The following SHANK1 variants were observed in gnomAD, a reference collection of about 807,000 sequenced individuals.
SHANK1 encodes SH3 and multiple ankyrin repeat domains protein 1.
SHANK1 carries 35 observed loss-of-function variants against 165.6 expected under a neutral mutation model. The observed-to-expected ratio is 0.21, with a 90% CI of 0.16 to 0.28. SHANK1 has a LOEUF of 0.28. SHANK1 is among the 10% of genes least tolerant of loss of function. The pLI is 1.00. For missense variants in SHANK1, 2,681 were observed against 3,036.4 expected (o/e 0.88, Z 2.75); for synonymous variants, 1,428 against 1,384.8 (o/e 1.03, Z -0.69).
At position 50,662,549 on chromosome 19, in the gene SHANK1, C is replaced by T. The variant is rs983516459; in HGVS notation, c.5902G>A (p.Ala1968Thr). 3 of 1,560,766 alleles carry T rather than the reference C, an allele frequency of 1.9e-6. No individual in the cohort carries two copies. The highest frequency in any genetic ancestry group is 1.4e-5 in the African/African-American group (1 of 73,616). ...VSPTAAAAPG[A>T]TSPSASSSST... ...GAGGAGGAGGCTGAGGGTGAGGTGG[C>T]CCCTGGGGCCGCAGCGGCTGTAGGG... Residue 1968 changes from alanine (A) to threonine (T), a missense_variant, in exon 24 of 24, where the codon GCC (alanine) becomes ACC (threonine). By Grantham distance (58) the Ala-to-Thr change is moderately conservative (BLOSUM62 0). Transcript: ENST00000293441. This position sits in a 1 kb window ranked among gnomAD's most constrained non-coding sequence, Gnocchi z 7.7.
intron 23 of SHANK1, among the ~76,000 whole-genome samples, chr19:50,665,977 C>T (rs1047049161): frequency 6.0e-5 from 9 of 150,512 alleles, no homozygotes; most frequent in African/African-American, 2.0e-4. Context: ...CGCCATTGCA[C>T]TCCAGCCTGG....
Position 50,697,029 on chromosome 19 carries a change from A to C in SHANK1, c.1964+67T>G. 2 of 1,334,430 alleles carry C rather than the reference A, an allele frequency of 1.5e-6. No homozygotes were observed. The highest frequency in any genetic ancestry group is 2.1e-6 in the Non-Finnish European group (2 of 931,580). 82.7% of individuals were successfully genotyped at this position (1,334,430 alleles called of 1,614,324 possible). ...CAGCTCTGGTCGTGCACACACGTTC[A>C]CACGCCCCCCAGGCACCCCGTCCTT... is the stretch of plus-strand genomic sequence containing the variant. On this transcript the variant is annotated intron_variant, in intron 15 of 23. Transcript: ENST00000293441. The surrounding 1 kb of genome is among the most constrained non-coding windows in gnomAD (Gnocchi z 4.7).
rs1198388175 is a variant in SHANK1 at position 50,712,176 on chromosome 19, A to G, written c.793-62T>C. 24 of 1,435,612 alleles carry G rather than the reference A, an allele frequency of 1.7e-5. 1 individual carries two copies. The East Asian group carries it at 5.5e-4, about 33-fold the overall frequency. The allele number at this position is 1,435,612 out of a possible 1,614,324, so 88.9% of individuals were successfully genotyped here. On this transcript the variant is annotated intron_variant, in intron 6 of 23. Transcript: ENST00000293441. ...ATGACAGTCACACATTAACCAGCTCATTCTGAAGGGCCAGGGGGACTGGAC... is the reference window on the plus strand; with the variant it reads ...ATGACAGTCACACATTAACCAGCTCGTTCTGAAGGGCCAGGGGGACTGGAC...
At chr19:50,705,887 T>C (rs1459884390) in intron 8 of SHANK1, among the ~76,000 whole-genome samples, 2 of 152,092 alleles carry the variant, frequency 1.3e-5, no homozygotes, top group African/African-American at 4.8e-5. Flanking sequence ...CCAGGGGTGG[T>C]GGCTCACTCC....
rs1284475843 is a variant in SHANK1, at chr19:50,661,457, C to T, written c.*508G>A. Among the ~76,000 whole-genome samples, 7 of 135,956 alleles carry T rather than the reference C, an allele frequency of 5.1e-5. No homozygotes were observed. The highest frequency in any genetic ancestry group is 4.7e-4 in the South Asian group (2 of 4,252). 89.2% of individuals were successfully genotyped at this position (135,956 alleles called of 152,430 possible). On this transcript the variant is annotated 3_prime_UTR_variant, in exon 24 of 24. Coordinates refer to ENST00000293441, the MANE Select transcript of SHANK1 (RefSeq NM_016148.5). ...GGGAGAGAGGTGAGCAGGCGTGCAA[C>T]GGAGCGTGCAAGAGGCTGAGGGGGG... is the stretch of plus-strand genomic sequence containing the variant.
In SHANK1 at chr19:50,662,715, C is replaced by T; in HGVS notation, c.5769-33G>A. On this transcript the variant is annotated intron_variant, in intron 23 of 23. Coordinates refer to ENST00000293441, the MANE Select transcript of SHANK1 (RefSeq NM_016148.5). The surrounding 1 kb of genome is among the most constrained non-coding windows in gnomAD (Gnocchi z 7.7). ...GTGACAAGGGGGCAGTGGGGGAGGACAGGGATTTAGGGGGCAAGGGCAGGG... is the reference window on the plus strand; with the variant it reads ...GTGACAAGGGGGCAGTGGGGGAGGATAGGGATTTAGGGGGCAAGGGCAGGG... 2 of 1,496,432 alleles carry T rather than the reference C, an allele frequency of 1.3e-6. No homozygotes were observed. The highest frequency in any genetic ancestry group is 1.8e-6 in the Non-Finnish European group (2 of 1,122,628). The allele number at this position is 1,496,432 out of a possible 1,614,324, so 92.7% of individuals were successfully genotyped here. A position where few individuals can be genotyped will look rare whatever the true frequency, so the allele number is the denominator to read the frequency against.
intron 23 of SHANK1, among the ~76,000 whole-genome samples, chr19:50,663,916 T>C (rs559291486): frequency 1.4e-5 from 2 of 140,534 alleles, no homozygotes; most frequent in Non-Finnish European, 3.0e-5. Flanking sequence ...ACTTCCTTTT[T>C]CTTTTCTTTC....
chr19:50,666,378 G>A lies in SHANK1; in HGVS notation c.5582C>T (p.Ser1861Leu). Residue 1861 changes from serine (S) to leucine (L), a missense_variant, in exon 23 of 24, where the codon TCA becomes TTA. Physicochemically the swap from Ser to Leu is moderately radical, Grantham distance 145 (BLOSUM62 -2). Around this residue, in one of 10 missense-constraint regions of SHANK1, gnomAD observed 1,713 missense variants for 1,630.2 expected, o/e 1.05. Transcript: ENST00000293441. ...LPGPLAQPQASALATVKASII... is the reference protein window; with the variant it reads ...LPGPLAQPQALALATVKASII... Reference sequence around the variant, plus strand: ...GCTGGCTTTTACTGTGGCCAAGGCTGAGGCCTGAGGCTGGGCCAAGGGCCC... The same window carrying A: ...GCTGGCTTTTACTGTGGCCAAGGCTAAGGCCTGAGGCTGGGCCAAGGGCCC... 1 of 1,613,648 alleles carries A rather than the reference G, an allele frequency of 6.2e-7. No homozygotes were observed. The highest frequency in any genetic ancestry group is 8.5e-7 in the Non-Finnish European group (1 of 1,179,880).
At chr19:50,672,242 C>T (rs1247490056) in intron 21 of SHANK1, 128 bp from the exon 22 acceptor site, 1 of 766,982 alleles carries the variant, frequency 1.3e-6, no homozygotes, top group Non-Finnish European at 2.1e-6. Flanking sequence ...TAAGGGAGAG[C>T]AGTGTGAAGA....
intron 5 of SHANK1, 65 bp downstream of exon 5, chr19:50,714,117 A>G: frequency 6.5e-7 from 1 of 1,546,028 alleles, no homozygotes; most frequent in Non-Finnish European, 8.9e-7. Flanking sequence ...GTGAATGCAG[A>G]TGGCACCCCT....
Position 50,688,829 on chromosome 19 carries a change from G to A in SHANK1, c.2172+15C>T. On this transcript the variant is annotated intron_variant, in intron 17 of 23. Transcript: ENST00000293441. The surrounding 1 kb of genome is among the most constrained non-coding windows in gnomAD (Gnocchi z 6.7). ...TGTCACAGGGTCCCAGGGAAGAGAG[G>A]GGGCCTGGACTGACCTCGATGAGGA... 3.1e-6 allele frequency: 5 copies of A among 1,604,934 alleles called. No homozygotes were observed. The highest frequency in any genetic ancestry group is 3.4e-6 in the Non-Finnish European group (4 of 1,175,666).
chr19:50,695,659 A>C (rs1226790297), intron 15 of SHANK1, among the ~76,000 whole-genome samples: 1 of 152,058 alleles, frequency 6.6e-6, no homozygotes, highest in Non-Finnish European at 1.5e-5. Context: ...CTTCCCCGGC[A>C]GGGACACCGC....
At position 50,703,778 on chromosome 19, in the gene SHANK1, G is replaced by A. The variant is rs765667178; in HGVS notation, c.1275C>T (p.Gly425=). The A allele has an allele frequency of 2.1e-6, 3 of 1,430,358 alleles. No homozygotes were observed. In the East Asian group the frequency reaches 7.6e-5, roughly 36 times the overall value. 88.6% of individuals were successfully genotyped at this position (1,430,358 alleles called of 1,614,324 possible). A position where few individuals can be genotyped will look rare whatever the true frequency, so the allele number is the denominator to read the frequency against. ...GCGCCGGGGGCACCGTCAGCCCTGTGCCTGGGGGCCCCCGTCGCCGGGCCG... is the reference window on the plus strand; with the variant it reads ...GCGCCGGGGGCACCGTCAGCCCTGTACCTGGGGGCCCCCGTCGCCGGGCCG... ...KYAARRRGPP[G]TGLTVPPALL... Residue 425 remains glycine, a synonymous_variant, in exon 11 of 24, where the codon GGC becomes GGT. Coordinates refer to ENST00000293441, the MANE Select transcript of SHANK1 (RefSeq NM_016148.5).
In SHANK1 at chr19:50,713,827, C is replaced by T. The variant is rs1240511615; in HGVS notation, c.763G>A (p.Ala255Thr). Residue 255 changes from alanine (A) to threonine (T), a missense_variant, in exon 6 of 24, where the codon GCA becomes ACA. Physicochemically the swap from Ala to Thr is moderately conservative, Grantham distance 58. This residue lies in a region of SHANK1 where 189 missense variants were observed against 440.9 expected (regional missense o/e 0.43). Coordinates refer to ENST00000293441, the MANE Select transcript of SHANK1 (RefSeq NM_016148.5). This position sits in a 1 kb window ranked among gnomAD's most constrained non-coding sequence, Gnocchi z 6.2. ...RDGMTALHKA[A>T]CARHCLALTA... ...AGTGCCAGGCAGTGTCGGGCGCATG[C>T]GGCCTTATGCAGTGCGGTCATGCCA... The T allele has an allele frequency of 2.5e-6, 4 of 1,613,592 alleles. No homozygotes were observed. Among genetic ancestry groups the T allele is most frequent in the African/African-American group, 1.3e-5 (1 of 74,900 alleles).
At chr19:50,674,357 G>A (rs1483663029) in intron 21 of SHANK1, among the ~76,000 whole-genome samples, 1 of 152,102 alleles carries the variant, frequency 6.6e-6, no homozygotes, top group African/African-American at 2.4e-5. Flanking sequence ...TTTGAGACCA[G>A]AAGTGCAGAG....
intron 21 of SHANK1, 39 bp from the exon 22 acceptor site, chr19:50,672,153 T>TA: frequency 6.6e-7 from 1 of 1,506,522 alleles, no homozygotes; most frequent in South Asian, 1.1e-5. Context: ...AGAGAAAAGA[T>TA]AGAGAGAGAT....
chr19:50,690,494 G>A lies in SHANK1; in HGVS notation c.1965-1215C>T, dbSNP rs1011233571. ...AAGAACACCCAGGAGTCACTGGAAC[G>A]CGTGCTCTGCTGTGCTGAGCTTCCT... On this transcript the variant is annotated intron_variant, in intron 15 of 23. Coordinates refer to ENST00000293441, the MANE Select transcript of SHANK1 (RefSeq NM_016148.5). The surrounding 1 kb of genome is among the most constrained non-coding windows in gnomAD (Gnocchi z 4.9). Among the ~76,000 whole-genome samples the A allele has an allele frequency of 6.6e-6, 1 of 152,078 alleles. No homozygotes were observed. The highest frequency in any genetic ancestry group is 1.5e-5 in the Non-Finnish European group (1 of 68,010).
At position 50,697,743 on chromosome 19, in the gene SHANK1, T is replaced by G; in HGVS notation, c.1862-79A>C. 1.3e-6 allele frequency: 2 copies of G among 1,534,432 alleles called. No individual in the cohort carries two copies. The highest frequency in any genetic ancestry group is 2.2e-5 in the South Asian group (2 of 89,236). Reference sequence around the variant, plus strand: ...AGCCCTAGAGCTCCTGGCCCAAGTCTTCCCATCTACCTCCCAGTACCCCAC... The same window carrying G: ...AGCCCTAGAGCTCCTGGCCCAAGTCGTCCCATCTACCTCCCAGTACCCCAC... On this transcript the variant is annotated intron_variant, in intron 13 of 23. Coordinates refer to ENST00000293441, the MANE Select transcript of SHANK1 (RefSeq NM_016148.5). This position sits in a 1 kb window ranked among gnomAD's most constrained non-coding sequence, Gnocchi z 4.7.
Position 50,668,553 on chromosome 19 carries a change from G to A in SHANK1, c.3407C>T (p.Ala1136Val), listed in dbSNP as rs1313697961. 2 of 1,368,224 alleles carry A rather than the reference G, an allele frequency of 1.5e-6. No individual in the cohort carries two copies. The highest frequency in any genetic ancestry group is 1.9e-6 in the Non-Finnish European group (2 of 1,060,466). The allele number at this position is 1,368,224 out of a possible 1,614,324, so 84.8% of individuals were successfully genotyped here. A position where few individuals can be genotyped will look rare whatever the true frequency, so the allele number is the denominator to read the frequency against. Reference protein sequence around the residue: ...LPPAPSPTSPASPQPPPAVAA... With the variant: ...LPPAPSPTSPVSPQPPPAVAA... ...CACGGCGGGCGGCGGCTGCGGGGAGGCCGGGGACGTGGGCGACGGCGCGGG... is the reference window on the plus strand; with the variant it reads ...CACGGCGGGCGGCGGCTGCGGGGAGACCGGGGACGTGGGCGACGGCGCGGG... The change falls in exon 23 of 24, where the codon GCC becomes GTC. Residue 1136 changes from alanine to valine, a missense_variant. Coordinates refer to ENST00000293441, the MANE Select transcript of SHANK1 (RefSeq NM_016148.5).
Sources: allele counts gnomAD v4.1 joint callset (sites outside exome capture counted in the v4.1 genomes callset), GRCh38; gene constraint gnomAD v4.1.1; regional missense constraint gnomAD v4.1.1; non-coding constraint Gnocchi (gnomAD v3.1); transcripts MANE v1.5; gene names NCBI Gene and HGNC (gene_info 2026-07-23, HGNC 2026-07-21).